Variants in SOS1 observed in about 807,000 individuals in gnomAD.
The protein encoded by SOS1 is SOS Ras/Rac guanine nucleotide exchange factor 1.
Under a neutral mutation model 157.6 loss-of-function variants are expected in SOS1, and 25 were observed. That is an observed-to-expected ratio of 0.16 (90% CI 0.12 to 0.22). SOS1 has a LOEUF of 0.22. SOS1 is among the 10% of genes least tolerant of loss of function. SOS1 has a pLI of 1.00. For synonymous variants in SOS1, 528 were observed against 534.0 expected, an observed-to-expected ratio of 0.99 and a Z score of 0.16; for missense variants, 1,237 against 1,599.1, an observed-to-expected ratio of 0.77 and a Z score of 3.86.
rs145760683 is a variant in SOS1, at chr2:39,049,074, C to T, written c.864+2070G>A. Among the ~76,000 whole-genome samples the T allele has an allele frequency of 7.9e-3, 1,195 of 152,038 alleles. 10 individuals are homozygous for T. The highest frequency in any genetic ancestry group is 0.014 in the Middle Eastern group (4 of 292). On this transcript the variant is annotated intron_variant, in intron 6 of 22. Coordinates refer to ENST00000402219, the MANE Select transcript of SOS1 (RefSeq NM_005633.4). ...CTGGGATTACAGACATGTACCACCA[C>T]GCCCGGCTAATTTTTGTATTTTTAG...
At chr2:39,121,477 G>C (rs1572908187), upstream of SOS1, among the ~76,000 whole-genome samples, 2 of 152,244 alleles carry the variant, frequency 1.3e-5, no homozygotes, top group South Asian at 4.1e-4. Context: ...AGTAGTAGAA[G>C]TGATTGCGGT....
chr2:39,069,346 C>G (rs560426452), intron 1 of SOS1, among the ~76,000 whole-genome samples: 1 of 151,954 alleles, frequency 6.6e-6, no homozygotes, highest in East Asian at 1.9e-4. Flanking sequence ...AACCACTGTA[C>G]TCCAGCCTGG....
intron 1 of SOS1, among the ~76,000 whole-genome samples, chr2:39,070,739 A>G (rs769051879): frequency 1.3e-5 from 2 of 152,234 alleles, no homozygotes; most frequent in Non-Finnish European, 2.9e-5. Flanking sequence ...AAATGTAGCT[A>G]TAATTGGGGG....
intron 1 of SOS1, among the ~76,000 whole-genome samples, chr2:39,099,421 T>C (rs558882832): frequency 6.6e-6 from 1 of 152,130 alleles, no homozygotes; most frequent in Non-Finnish European, 1.5e-5. Flanking sequence ...GAAAATAGAT[T>C]AATGGTTACC....
chr2:39,045,245 A>AGG (rs1558486037), intron 6 of SOS1, among the ~76,000 whole-genome samples: 18 of 70,846 alleles, frequency 2.5e-4, no homozygotes, highest in African/African-American at 1.3e-3. Flanking sequence ...AGAGAGAGGG[A>AGG]GAGAGAGAGA....
intron 2 of SOS1, among the ~76,000 whole-genome samples, chr2:39,059,718 G>A (rs182776439): frequency 6.6e-6 from 1 of 152,236 alleles, no homozygotes; most frequent in East Asian, 1.9e-4. Context: ...GATGCCATGT[G>A]ATGCCCTTGG....
chr2:39,058,885 A>G, intron 2 of SOS1, 81 bp from the exon 3 acceptor site: 8 of 1,113,138 alleles, frequency 7.2e-6, no homozygotes, highest in Non-Finnish European at 1.1e-5. Context: ...TTAAAATCAA[A>G]GAATACCAAA....
At chr2:39,097,810 G>T (rs866450145) in intron 1 of SOS1, among the ~76,000 whole-genome samples, 1 of 152,054 alleles carries the variant, frequency 6.6e-6, no homozygotes, top group East Asian at 1.9e-4. Flanking sequence ...AGCAATCCAC[G>T]TGCCTTGGCC....
At chr2:39,000,038 G>C (rs1669041664) in intron 17 of SOS1, among the ~76,000 whole-genome samples, 2 of 152,148 alleles carry the variant, frequency 1.3e-5, no homozygotes, top group Non-Finnish European at 2.9e-5. Flanking sequence ...GGATAATGGG[G>C]AGTGGATAAA....
intron 2 of SOS1, among the ~76,000 whole-genome samples, chr2:39,063,894 G>A (rs761764353): frequency 1.5e-4 from 22 of 151,252 alleles, no homozygotes; most frequent in Non-Finnish European, 2.8e-4. Flanking sequence ...GTGCAGTGGC[G>A]CGATCACAGC....
At chr2:39,028,912 TTACAA>T (rs1407926167) in intron 8 of SOS1, among the ~76,000 whole-genome samples, 1 of 152,200 alleles carries the variant, frequency 6.6e-6, no homozygotes, top group Admixed American at 6.5e-5. Context: ...CCACAGTGGA[TTACAA>T]CATAGAAAAT....
chr2:38,986,491 T>C lies in SOS1; in HGVS notation c.3511-176A>G, dbSNP rs1489431531. Among the ~76,000 whole-genome samples, 4 of 151,856 alleles carry C rather than the reference T, an allele frequency of 2.6e-5. No homozygotes were observed. In the East Asian group the frequency reaches 7.7e-4, roughly 29 times the overall value. ...AAAAAAATTTTTTTTTTTGAGACAA[T>C]GCCTTGCTCTATTGCCCAGACTGGA... On this transcript the variant is annotated intron_variant, in intron 22 of 22. Transcript: ENST00000402219.
rs1669318056 is a variant in SOS1 at position 39,007,490 on chromosome 2, G to A, written c.2511-297C>T. On this transcript the variant is annotated intron_variant, in intron 15 of 22. Coordinates refer to ENST00000402219, the MANE Select transcript of SOS1 (RefSeq NM_005633.4). ...GAGGCCACTATCTTGTGGAATGTAT[G>A]GAGGTCTTTGTGAGGTCTTTGTGAT... The A allele has an allele frequency of 2.5e-5, 8 of 323,756 alleles. No individual in the cohort carries two copies. The South Asian group carries it at 3.5e-4, about 14-fold the overall frequency. The allele number at this position is 323,756 out of a possible 1,614,324, so 20.1% of individuals were successfully genotyped here.
At chr2:39,065,266 T>C (rs1382070307) in intron 2 of SOS1, among the ~76,000 whole-genome samples, 5 of 152,218 alleles carry the variant, frequency 3.3e-5, no homozygotes, top group Admixed American at 6.5e-5. Flanking sequence ...CCATTTGCTA[T>C]GGTCCAAATG....
chr2:38,993,648 C>T (rs1668799272), intron 20 of SOS1: 1 of 152,086 alleles, frequency 6.6e-6, no homozygotes, highest in Non-Finnish European at 1.5e-5. Context: ...TCGAATTTGA[C>T]CCCCAGAAGG....
At chr2:39,007,239 A>G (rs1416284359) in intron 15 of SOS1, 46 bp from the exon 16 acceptor site, 4 of 1,194,372 alleles carry the variant, frequency 3.3e-6, no homozygotes, top group South Asian at 2.4e-5. Context: ...AGTTTTTCCA[A>G]TAAAGTTATA....
At chr2:39,059,823 T>C (rs1341439625) in intron 2 of SOS1, among the ~76,000 whole-genome samples, 5 of 152,182 alleles carry the variant, frequency 3.3e-5, no homozygotes, top group Non-Finnish European at 7.4e-5. Flanking sequence ...TTAATAAATT[T>C]CCATTATGTC....
chr2:39,002,859 G>A (rs1669149364), intron 17 of SOS1, among the ~76,000 whole-genome samples: 1 of 151,930 alleles, frequency 6.6e-6, no homozygotes, highest in African/African-American at 2.4e-5. Context: ...GAGCTCAGGA[G>A]TTCGAGACCA....
At chr2:39,034,953 AT>A (rs1670291366) in intron 8 of SOS1, 1 of 534,138 alleles carries the variant, frequency 1.9e-6, no homozygotes, top group Non-Finnish European at 3.4e-6. Context: ...TTGCTTTAAC[AT>A]TCACTAAAAA....
Sources: gnomAD v4.1 joint callset for allele counts (sites outside exome capture counted in the v4.1 genomes callset) on GRCh38, gnomAD v4.1.1 for gene constraint, MANE v1.5 for transcripts, NCBI Gene and HGNC (gene_info 2026-07-23, HGNC 2026-07-21) for gene names.